Variants in NUFIP1 observed in about 807,000 individuals in gnomAD.
NUFIP1 encodes nuclear FMR1 interacting protein 1.
In NUFIP1, 38 loss-of-function variants were observed where a neutral mutation model predicts 56.2. The observed-to-expected ratio is 0.68, with a 90% CI of 0.52 to 0.89. The LOEUF (loss-of-function observed/expected upper bound fraction) is 0.89, where lower values mean the gene tolerates loss of function less well. Among genes scored for constraint, NUFIP1 ranks in the 40% least tolerant of loss-of-function variants. NUFIP1 has a pLI of 0.00. For synonymous variants in NUFIP1, 215 were observed against 212.4 expected (o/e 1.01, Z -0.10); for missense variants, 567 against 605.8 (o/e 0.94, Z 0.67).
At position 44,989,035 on chromosome 13, in the gene NUFIP1, G is replaced by A; in HGVS notation, c.402C>T (p.Phe134=). 6.2e-7 allele frequency: 1 copy of A among 1,613,946 alleles called. No individual in the cohort carries two copies. Among genetic ancestry groups the A allele is most frequent in the Non-Finnish European group, 8.5e-7 (1 of 1,179,962 alleles). The part of the protein sequence containing the change: ...SDRFPRHQKS[F]NPAVKNSYYP... ...GGAAAAATAGCCTACCTGCAGGGTT[G>A]AAGGACTTCTGATGCCGAGGAAACC... is the stretch of plus-strand genomic sequence containing the variant. Residue 134 remains phenylalanine (F), a synonymous_variant, in exon 1 of 10, where the codon TTC becomes TTT. Coordinates refer to ENST00000379161, the MANE Select transcript of NUFIP1 (RefSeq NM_012345.3).
Position 44,973,106 on chromosome 13 carries a change from T to C in NUFIP1, c.734+6084A>G, listed in dbSNP as rs374722301. 3.3e-5 allele frequency among the ~76,000 whole-genome samples: 5 copies of C among 152,346 alleles called. No homozygotes were observed. In the South Asian group the frequency reaches 6.2e-4, roughly 19 times the overall value. On this transcript the variant is annotated intron_variant, in intron 5 of 9. Transcript: ENST00000379161. ...GCTAGTTTTCATCTTCAAATATTAA[T>C]GTTTCCAAAGTTTCTCTAGCCAGTG...
chr13:44,942,481 A>T (rs1489957364), intron 9 of NUFIP1, among the ~76,000 whole-genome samples: 2 of 152,200 alleles, frequency 1.3e-5, no homozygotes, highest in Admixed American at 1.3e-4. Flanking sequence ...ATCCATTTTA[A>T]TAGGAAGCAA....
chr13:44,959,358 C>T (rs370006732), intron 7 of NUFIP1, 23 bp downstream of exon 7: 52 of 1,603,364 alleles, frequency 3.2e-5, no homozygotes, highest in African/African-American at 4.0e-5. Context: ...CTTATAAATA[C>T]GTTATTTTCC....
intron 7 of NUFIP1, among the ~76,000 whole-genome samples, chr13:44,956,739 A>T (rs1205705239): frequency 6.6e-6 from 1 of 152,192 alleles, no homozygotes; most frequent in African/African-American, 2.4e-5. Flanking sequence ...GTAGTAAGGC[A>T]GGCAATAGGG....
At chr13:44,963,191 T>C (rs1025670168) in intron 6 of NUFIP1, among the ~76,000 whole-genome samples, 2 of 152,224 alleles carry the variant, frequency 1.3e-5, no homozygotes, top group Admixed American at 6.5e-5. Context: ...GACTATTATA[T>C]ATTGCTCCAT....
chr13:44,976,853 T>G lies in NUFIP1; in HGVS notation c.734+2337A>C, dbSNP rs886784761. ...GAGACAGGCAAATTGATCTTTATAA[T>G]TGACTCACTCTGATGATAACAAGCC... On this transcript the variant is annotated intron_variant, in intron 5 of 9. Coordinates refer to ENST00000379161, the MANE Select transcript of NUFIP1 (RefSeq NM_012345.3). 3.9e-5 allele frequency among the ~76,000 whole-genome samples: 6 copies of G among 152,174 alleles called. No individual in the cohort carries two copies. In the South Asian group the frequency reaches 1.0e-3, roughly 26 times the overall value.
At chr13:44,966,601 C>T (rs963948855) in intron 5 of NUFIP1, among the ~76,000 whole-genome samples, 1 of 152,114 alleles carries the variant, frequency 6.6e-6, no homozygotes, top group African/African-American at 2.4e-5. Flanking sequence ...AGGCGTGAAC[C>T]ATCACGCCCG....
chr13:44,954,832 TTTATTTTC>T (rs1305473951), intron 7 of NUFIP1, among the ~76,000 whole-genome samples: 2 of 152,180 alleles, frequency 1.3e-5, no homozygotes, highest in African/African-American at 4.8e-5. Context: ...GCTGGGCCAG[TTTATTTTC>T]TTATTTTAAT....
At chr13:44,943,715 AAAC>A in intron 8 of NUFIP1, 41 bp from the exon 9 acceptor site, 3 of 1,502,044 alleles carry the variant, frequency 2.0e-6, no homozygotes, top group Non-Finnish European at 1.8e-6. Flanking sequence ...AAACAAAACA[AAAC>A]AAAACAGGTA....
At position 44,947,141 on chromosome 13, in the gene NUFIP1, TAATGGAAGGC is replaced by T. The variant is rs1870924635; in HGVS notation, c.1138+2571_1138+2580del. Among the ~76,000 whole-genome samples the T allele has an allele frequency of 4.6e-5, 7 of 151,800 alleles. No homozygotes were observed. In the South Asian group the frequency reaches 1.5e-3, roughly 32 times the overall value. The stretch of plus-strand genomic sequence containing the variant: ...GTAAATGCCAAAGAGAGAAAGACTA[TAATGGAAGGC>T]AATGAAAGTTGGCTTCTTCGGACTT... On this transcript the variant is annotated intron_variant, in intron 8 of 9. Coordinates refer to ENST00000379161, the MANE Select transcript of NUFIP1 (RefSeq NM_012345.3).
chr13:44,987,315 T>C (rs571347820), intron 1 of NUFIP1, among the ~76,000 whole-genome samples: 18 of 151,898 alleles, frequency 1.2e-4, no homozygotes, highest in African/African-American at 3.6e-4. Flanking sequence ...GAGGTGGAGG[T>C]TGCAATGAGC....
intron 5 of NUFIP1, among the ~76,000 whole-genome samples, chr13:44,971,270 A>T (rs1055249882): frequency 3.3e-5 from 5 of 152,056 alleles, no homozygotes; most frequent in African/African-American, 1.2e-4. Context: ...TCTTCACCCC[A>T]TTTCCTCATT....
At chr13:44,947,191 C>A (rs560423825) in intron 8 of NUFIP1, among the ~76,000 whole-genome samples, 68 of 150,838 alleles carry the variant, frequency 4.5e-4, no homozygotes, top group Non-Finnish European at 7.7e-4. Context: ...GACTCCAAAC[C>A]TATATGTCAG....
At chr13:44,956,827 A>G (rs1871261975) in intron 7 of NUFIP1, among the ~76,000 whole-genome samples, 2 of 152,060 alleles carry the variant, frequency 1.3e-5, no homozygotes, top group Admixed American at 1.3e-4. Flanking sequence ...GGGGTTCCTA[A>G]CAGGCTAAGG....
chr13:44,980,503 C>G (rs1872149089), intron 3 of NUFIP1, among the ~76,000 whole-genome samples: 1 of 152,208 alleles, frequency 6.6e-6, no homozygotes, highest in South Asian at 2.1e-4. Context: ...AAAAAGCTGT[C>G]AGAGCTCCCT....
At chr13:44,981,497 C>T (rs1033299748) in intron 2 of NUFIP1, among the ~76,000 whole-genome samples, 2 of 152,174 alleles carry the variant, frequency 1.3e-5, no homozygotes, top group African/African-American at 4.8e-5. Flanking sequence ...GACTGCACCT[C>T]TAACTGTTGC....
At chr13:44,959,640 G>A in intron 6 of NUFIP1, 66 bp from the exon 7 acceptor site, 1 of 1,349,326 alleles carries the variant, frequency 7.4e-7, no homozygotes, top group Non-Finnish European at 1.0e-6. Flanking sequence ...TTTTGAAAAA[G>A]ACTACTAGAT....
chr13:44,987,247 G>T (rs1186886456), intron 1 of NUFIP1, among the ~76,000 whole-genome samples: 1 of 151,984 alleles, frequency 6.6e-6, no homozygotes, highest in Non-Finnish European at 1.5e-5. Flanking sequence ...GCATGGTGGC[G>T]GGCACCTGTA....
chr13:44,978,936 T>A (rs1202707104), intron 5 of NUFIP1, among the ~76,000 whole-genome samples: 1 of 152,168 alleles, frequency 6.6e-6, no homozygotes, highest in Non-Finnish European at 1.5e-5. Flanking sequence ...CCTCAACCAC[T>A]GAACATCTGA....
Sources: allele counts gnomAD v4.1 joint callset (sites outside exome capture counted in the v4.1 genomes callset), GRCh38; gene constraint gnomAD v4.1.1; transcripts MANE v1.5; gene names NCBI Gene and HGNC (gene_info 2026-07-23, HGNC 2026-07-21).